REDIC1: variants seen among roughly 807,000 people sequenced by gnomAD.
REDIC1 encodes regulator of DNA class I crossover intermediates 1.
chr12:39,711,487 A>G, the REDIC1 span, among the ~76,000 whole-genome samples: 1 of 144,236 alleles, frequency 6.9e-6, no homozygotes, highest in Non-Finnish European at 1.5e-5. Context: ...ATGTGTATAT[A>G]TGTATATAAG....
At chr12:39,815,289 T>C in the REDIC1 span, among the ~76,000 whole-genome samples, 1 of 152,212 alleles carries the variant, frequency 6.6e-6, no homozygotes, top group Non-Finnish European at 1.5e-5. Context: ...AAGCAGAGAA[T>C]ACTGTGAGCT....
At chr12:39,780,289 TTCAACATAA>T in the REDIC1 span, among the ~76,000 whole-genome samples, 1 of 152,196 alleles carries the variant, frequency 6.6e-6, no homozygotes, top group African/African-American at 2.4e-5. Flanking sequence ...CTCTTTCTCC[TTCAACATAA>T]TCATCTTACC....
At chr12:39,895,186 G>C in the REDIC1 span, among the ~76,000 whole-genome samples, 2 of 151,996 alleles carry the variant, frequency 1.3e-5, no homozygotes, top group Non-Finnish European at 2.9e-5. Flanking sequence ...TGAGTAACAA[G>C]TAGTGGGTCT....
chr12:39,849,797 T>G, the REDIC1 span, among the ~76,000 whole-genome samples: 2 of 152,180 alleles, frequency 1.3e-5, no homozygotes, highest in Non-Finnish European at 2.9e-5. Flanking sequence ...GCTTTAATAT[T>G]TCAAGGTCAT....
the REDIC1 span, among the ~76,000 whole-genome samples, chr12:39,836,637 A>G: frequency 6.9e-6 from 1 of 145,082 alleles, no homozygotes; most frequent in South Asian, 2.4e-4. Context: ...CAACTTCAGC[A>G]AAGTCTCAGG....
the REDIC1 span, among the ~76,000 whole-genome samples, chr12:39,787,763 T>G: frequency 6.6e-6 from 1 of 152,174 alleles, no homozygotes; most frequent in Non-Finnish European, 1.5e-5. Context: ...TGACATGATG[T>G]TAGGTGAATG....
the REDIC1 span, among the ~76,000 whole-genome samples, chr12:39,711,869 GTA>G: frequency 2.6e-3 from 33 of 12,494 alleles, no homozygotes; most frequent in Non-Finnish European, 0.021. Flanking sequence ...GTGTATACAC[GTA>G]TACACATGCA....
chr12:39,897,914 T>C, the REDIC1 span, among the ~76,000 whole-genome samples: 2 of 152,120 alleles, frequency 1.3e-5, no homozygotes, highest in Non-Finnish European at 2.9e-5. Flanking sequence ...TGTAGATCTA[T>C]GAAATATAAG....
chr12:39,718,605 C>G, the REDIC1 span, among the ~76,000 whole-genome samples: 1 of 152,186 alleles, frequency 6.6e-6, no homozygotes, highest in East Asian at 1.9e-4. Context: ...GTAAAGTTAG[C>G]CTATCCCATC....
chr12:39,695,413 G>A, the REDIC1 span, among the ~76,000 whole-genome samples: 3 of 152,120 alleles, frequency 2.0e-5, no homozygotes, highest in Non-Finnish European at 4.4e-5. Context: ...TTCACCACAA[G>A]CTGACTGAAG....
At chr12:39,738,358 T>C in the REDIC1 span, among the ~76,000 whole-genome samples, 1 of 152,206 alleles carries the variant, frequency 6.6e-6, no homozygotes, top group Non-Finnish European at 1.5e-5. Flanking sequence ...TTTTTATTCA[T>C]ATATCATTTA....
chr12:39,688,353 A>G, the REDIC1 span, among the ~76,000 whole-genome samples: 5 of 152,364 alleles, frequency 3.3e-5, no homozygotes, highest in East Asian at 5.8e-4. Context: ...TGAGCACAGT[A>G]TCAATAAGTT....
the REDIC1 span, among the ~76,000 whole-genome samples, chr12:39,861,664 G>GGT: frequency 7.2e-5 from 11 of 152,108 alleles, no homozygotes; most frequent in Non-Finnish European, 1.5e-4. Context: ...TGGAATTATG[G>GGT]GTGTGAAAAA....
At chr12:39,803,513 T>C in the REDIC1 span, among the ~76,000 whole-genome samples, 1 of 152,042 alleles carries the variant, frequency 6.6e-6, no homozygotes, top group East Asian at 1.9e-4. Flanking sequence ...ACCTTCAGAT[T>C]TAAAAAGATA....
the REDIC1 span, among the ~76,000 whole-genome samples, chr12:39,697,872 C>T: frequency 2.0e-5 from 3 of 152,054 alleles, no homozygotes; most frequent in Non-Finnish European, 4.4e-5. Context: ...GGCCAAAAAA[C>T]AGATAACAAA....
chr12:39,908,098 T>C, the REDIC1 span: 1 of 152,002 alleles, frequency 6.6e-6, no homozygotes, highest in Admixed American at 6.6e-5. Flanking sequence ...TCTTCCTAGA[T>C]TTCACTTTTT....
At chr12:39,817,337 C>G in the REDIC1 span, among the ~76,000 whole-genome samples, 1 of 147,186 alleles carries the variant, frequency 6.8e-6, no homozygotes, top group Non-Finnish European at 1.5e-5. Context: ...ACTGCTGTTA[C>G]AAGTCACAGG....
chr12:39,793,660 G>C, the REDIC1 span, among the ~76,000 whole-genome samples: 3 of 152,146 alleles, frequency 2.0e-5, no homozygotes, highest in Non-Finnish European at 2.9e-5. Flanking sequence ...GCGTTAGGTA[G>C]ATGGAGCTGG....
chr12:39,709,346 T>C, the REDIC1 span, among the ~76,000 whole-genome samples: 1 of 151,560 alleles, frequency 6.6e-6, no homozygotes, highest in African/African-American at 2.4e-5. Flanking sequence ...TTTTTATTCA[T>C]ATGTCTTTTT....
Sources: gnomAD v4.1 joint callset for allele counts (sites outside exome capture counted in the v4.1 genomes callset) on GRCh38, gnomAD v4.1.1 for gene constraint, MANE v1.5 for transcripts, NCBI Gene and HGNC (gene_info 2026-07-23, HGNC 2026-07-21) for gene names.